Variants in ANKFN1 observed in about 807,000 individuals in gnomAD.
ANKFN1 encodes ankyrin repeat and fibronectin type III domain containing 1, also known as ankyrin repeat and fibronectin type-III domain-containing protein 1.
In ANKFN1, 74 loss-of-function variants were observed where a neutral mutation model predicts 108.7. The observed-to-expected ratio is 0.68, with a 90% confidence interval of 0.56 to 0.83. ANKFN1 has a LOEUF of 0.83. Ranked by LOEUF, ANKFN1 falls within the 40% of genes least tolerant of loss-of-function variation. The probability of loss-of-function intolerance (pLI) is 0.00; values close to 1 mark genes in which losing one functional copy is unlikely to be tolerated. For missense variants in ANKFN1, 1,505 were observed against 1,382.3 expected, an observed-to-expected ratio of 1.09 and a Z score of -1.41; for synonymous variants, 547 against 516.2, an observed-to-expected ratio of 1.06 and a Z score of -0.81.
intron 1 of ANKFN1, among the ~76,000 whole-genome samples, chr17:56,163,610 C>T (rs375269591): frequency 1.1e-4 from 17 of 152,200 alleles, no homozygotes; most frequent in East Asian, 9.6e-4. Flanking sequence ...TTTCTACTGA[C>T]CAAGGAACTG....
chr17:56,223,102 T>C (rs575140575), intron 2 of ANKFN1, among the ~76,000 whole-genome samples: 1 of 152,346 alleles, frequency 6.6e-6, no homozygotes, highest in Non-Finnish European at 1.5e-5. Context: ...AAGCATATTA[T>C]AGAAAATTAT....
At position 56,514,895 on chromosome 17, in the gene ANKFN1, C is replaced by CACTT. The variant is rs2051872782; in HGVS notation, c.*3626_*3627insACTT. On this transcript the variant is annotated 3_prime_UTR_variant, in exon 21 of 21. Transcript: ENST00000682825. ...AGAGAAGTGGAAAAGAGGACTGGAC[C>CACTT]CTCGTTCATTGTTATCCTGCCACAC... Among the ~76,000 whole-genome samples the CACTT allele has an allele frequency of 6.6e-6, 1 of 152,014 alleles. No homozygotes were observed. The highest frequency in any genetic ancestry group is 1.5e-5 in the Non-Finnish European group (1 of 68,002).
chr17:56,398,692 CA>C (rs1363950087), intron 8 of ANKFN1, among the ~76,000 whole-genome samples: 2 of 152,256 alleles, frequency 1.3e-5, no homozygotes, highest in East Asian at 3.9e-4. Flanking sequence ...CTGAGACATA[CA>C]ACCATGAATT....
chr17:56,434,378 C>CA (rs58017155), intron 8 of ANKFN1, among the ~76,000 whole-genome samples: 17,039 of 127,302 alleles, frequency 0.13, 2,495 homozygotes, highest in African/African-American at 0.4. Context: ...TTTCTAGTGT[C>CA]AAAAAAAAAA....
rs776346849 is a variant in ANKFN1, at chr17:56,466,369, C to T, written c.1571C>T (p.Thr524Ile). The change falls in exon 15 of 21, where the codon ACA becomes ATA. Residue 524 changes from threonine to isoleucine, a missense_variant. Physicochemically the swap from Thr to Ile is moderately conservative, Grantham distance 89. Transcript: ENST00000682825. The stretch of plus-strand genomic sequence containing the variant: ...ATTTGTTTCCAGAATTTACTTGGGA[C>T]ACACAACTTGGGAAGAGTTTACTAT... ...ATAQLQNLLG[T>I]HNLGRVYYEP... 269 of 1,613,954 alleles carry T rather than the reference C, an allele frequency of 1.7e-4. No homozygotes were observed. The highest frequency in any genetic ancestry group is 2.2e-4 in the Non-Finnish European group (258 of 1,179,964).
At chr17:56,148,537 A>G (rs995681147), upstream of ANKFN1, among the ~76,000 whole-genome samples, 1 of 152,226 alleles carries the variant, frequency 6.6e-6, no homozygotes. Context: ...AAGGTTGAGC[A>G]TGTTCTAGTC....
chr17:56,133,961 G>T (rs867258333), intron 4 of ANKFN1, among the ~76,000 whole-genome samples: 2 of 151,988 alleles, frequency 1.3e-5, no homozygotes, highest in Admixed American at 6.6e-5. Context: ...ATAGGTTAAG[G>T]CCTCAGTTCT....
At position 56,510,961 on chromosome 17, in the gene ANKFN1, G is replaced by GCCCAGGAGC. The variant is rs1351461485; in HGVS notation, c.3136_3144dup (p.Gln1046_Pro1048dup). 1.5e-5 allele frequency: 23 copies of GCCCAGGAGC among 1,535,968 alleles called. No individual in the cohort carries two copies. The highest frequency in any genetic ancestry group is 2.0e-5 in the Non-Finnish European group (23 of 1,146,900). On this transcript the variant is annotated inframe_insertion, in exon 21 of 21. Coordinates refer to ENST00000682825, the MANE Select transcript of ANKFN1 (RefSeq NM_001370326.1). ...GCACCTGTCCCAGGCCTGTGGTCTGGCCCAGGAGCCCAAGGAGGCCAAGCG... is the reference window on the plus strand; with the variant it reads ...GCACCTGTCCCAGGCCTGTGGTCTGGCCCAGGAGCCCCAGGAGCCCAAGGAGGCCAAGCG...
chr17:56,264,506 C>T (rs2043598941), intron 3 of ANKFN1, among the ~76,000 whole-genome samples: 1 of 152,214 alleles, frequency 6.6e-6, no homozygotes, highest in Non-Finnish European at 1.5e-5. Flanking sequence ...TCTACATACA[C>T]TCTCTTTCCC....
chr17:56,365,895 G>C (rs2144738851), intron 6 of ANKFN1, among the ~76,000 whole-genome samples: 1 of 152,210 alleles, frequency 6.6e-6, no homozygotes, highest in South Asian at 2.1e-4. Flanking sequence ...TACTATACTT[G>C]TTATCATTAT....
intron 4 of ANKFN1, among the ~76,000 whole-genome samples, chr17:56,330,974 T>A (rs547359930): frequency 1.3e-5 from 2 of 152,282 alleles, no homozygotes; most frequent in East Asian, 1.9e-4. Context: ...TTCCACTCTG[T>A]GTCATCATTG....
At chr17:56,426,729 A>G (rs748154614) in intron 8 of ANKFN1, among the ~76,000 whole-genome samples, 1 of 152,204 alleles carries the variant, frequency 6.6e-6, no homozygotes, top group African/African-American at 2.4e-5. Context: ...AAAATAATAC[A>G]TATATCTTGC....
At chr17:56,397,070 TTA>T (rs896545878) in intron 8 of ANKFN1, among the ~76,000 whole-genome samples, 5 of 151,290 alleles carry the variant, frequency 3.3e-5, no homozygotes, top group African/African-American at 1.2e-4. Flanking sequence ...ATTAGAAAAA[TTA>T]TATATAGTTT....
At chr17:56,245,389 G>A (rs1917888308) in intron 3 of ANKFN1, among the ~76,000 whole-genome samples, 2 of 151,938 alleles carry the variant, frequency 1.3e-5, no homozygotes, top group South Asian at 4.1e-4. Flanking sequence ...ACTTTATCTG[G>A]TTCTCACCAG....
At chr17:56,428,860 A>C (rs2048662518) in intron 8 of ANKFN1, among the ~76,000 whole-genome samples, 1 of 151,848 alleles carries the variant, frequency 6.6e-6, no homozygotes, top group Non-Finnish European at 1.5e-5. Context: ...AGCTGACAAA[A>C]AGTGCTTTTT....
chr17:56,258,339 A>T (rs891370760), intron 3 of ANKFN1: 1 of 152,228 alleles, frequency 6.6e-6, no homozygotes, highest in Non-Finnish European at 1.5e-5. Flanking sequence ...TTCATGTGAA[A>T]ATAAAGACAA....
chr17:56,424,947 C>G (rs1317923329), intron 8 of ANKFN1, among the ~76,000 whole-genome samples: 2 of 152,142 alleles, frequency 1.3e-5, no homozygotes, highest in African/African-American at 4.8e-5. Context: ...GAGATGGTGA[C>G]AGCTACATAA....
chr17:56,195,758 T>A (rs148803999), intron 1 of ANKFN1, among the ~76,000 whole-genome samples: 33 of 152,266 alleles, frequency 2.2e-4, no homozygotes, highest in African/African-American at 7.7e-4. Context: ...GCTCTGCGAG[T>A]TCCTACAGCT....
intron 4 of ANKFN1, among the ~76,000 whole-genome samples, chr17:56,087,304 A>G (rs1169836328): frequency 6.6e-6 from 1 of 151,442 alleles, no homozygotes; most frequent in Non-Finnish European, 1.5e-5. Context: ...TGGGCTACAC[A>G]GTAACTCTTC....
Sources: gnomAD v4.1 joint callset for allele counts (sites outside exome capture counted in the v4.1 genomes callset) on GRCh38, gnomAD v4.1.1 for gene constraint, MANE v1.5 for transcripts, NCBI Gene and HGNC (gene_info 2026-07-23, HGNC 2026-07-21) for gene names.